The following UNC5C variants were observed in gnomAD, a reference collection of about 807,000 sequenced individuals.
UNC5C encodes the protein netrin receptor UNC5C.
A neutral mutation model predicts 99.8 loss-of-function variants in UNC5C; 47 were observed. The ratio of observed to expected loss-of-function variants is 0.47; its 90% CI spans 0.37 to 0.60. UNC5C has a LOEUF of 0.60. Among genes scored for constraint, UNC5C ranks in the 20% least tolerant of loss-of-function variants. UNC5C has a pLI of 0.00. For synonymous variants in UNC5C, 487 were observed against 452.2 expected, an observed-to-expected ratio of 1.08 and a Z score of -0.98; for missense variants, 1,062 against 1,165.9, an observed-to-expected ratio of 0.91 and a Z score of 1.30.
chr4:95,227,959 A>G (rs1269535599), intron 7 of UNC5C, among the ~76,000 whole-genome samples: 1 of 152,190 alleles, frequency 6.6e-6, no homozygotes, highest in Non-Finnish European at 1.5e-5. Flanking sequence ...ACTAGAGGTG[A>G]GGTTGCCCGA....
intron 1 of UNC5C, among the ~76,000 whole-genome samples, chr4:95,461,041 T>C (rs1747584680): frequency 6.6e-6 from 1 of 152,264 alleles, no homozygotes; most frequent in Non-Finnish European, 1.5e-5. Context: ...TATTAAATTC[T>C]ACAAACATTT....
At chr4:95,445,265 T>G (rs949655895) in intron 1 of UNC5C, among the ~76,000 whole-genome samples, 1 of 152,160 alleles carries the variant, frequency 6.6e-6, no homozygotes, top group Non-Finnish European at 1.5e-5. Context: ...CATTCTTAGT[T>G]TTTTTCTCCT....
intron 1 of UNC5C, among the ~76,000 whole-genome samples, chr4:95,422,474 T>C (rs1037971859): frequency 6.6e-6 from 1 of 152,188 alleles, no homozygotes; most frequent in Non-Finnish European, 1.5e-5. Flanking sequence ...TTTTTTTCTC[T>C]TTGAGACATG....
intron 1 of UNC5C, among the ~76,000 whole-genome samples, chr4:95,516,648 TCTC>T (rs1406942599): frequency 6.6e-6 from 1 of 152,026 alleles, no homozygotes; most frequent in Admixed American, 6.6e-5. Flanking sequence ...ATTTGCAAAA[TCTC>T]CTGCTGCTCC....
chr4:95,467,941 T>C, intron 1 of UNC5C, among the ~76,000 whole-genome samples: 1 of 152,138 alleles, frequency 6.6e-6, no homozygotes, highest in African/African-American at 2.4e-5. Flanking sequence ...CATTAATAGG[T>C]AGTGGATCAT....
chr4:95,258,746 CTTTTTTTT>C lies in UNC5C; in HGVS notation c.595-8087_595-8080del, dbSNP rs775570031. ...ACTATGTGTAATCGACCATCTTATT[CTTTTTTTT>C]TTTTTTTTTTTTTTTTTTGAGACGG... On this transcript the variant is annotated intron_variant, in intron 4 of 15. Transcript: ENST00000453304. 1.4e-4 allele frequency among the ~76,000 whole-genome samples: 11 copies of C among 76,044 alleles called. 1 individual carries two copies. The highest frequency in any genetic ancestry group is 1.1e-3 in the South Asian group (2 of 1,796). 49.9% of individuals were successfully genotyped at this position (76,044 alleles called of 152,430 possible). A position where few individuals can be genotyped will look rare whatever the true frequency, so the allele number is the denominator to read the frequency against.
chr4:95,185,240 A>T (rs1332012760), intron 12 of UNC5C, 44 bp from the exon 13 acceptor site: 1 of 1,560,966 alleles, frequency 6.4e-7, no homozygotes, highest in South Asian at 1.2e-5. Flanking sequence ...ATTGATTTGG[A>T]TCACTTCTGT....
At chr4:95,487,582 G>C (rs2149480227) in intron 1 of UNC5C, among the ~76,000 whole-genome samples, 1 of 151,678 alleles carries the variant, frequency 6.6e-6, no homozygotes, top group African/African-American at 2.4e-5. Context: ...GCTGTGTATT[G>C]ACTTACACTA....
Position 95,245,048 on chromosome 4 carries a change from G to A in UNC5C, c.872C>T (p.Ala291Val), listed in dbSNP as rs756813685. 4 of 1,613,982 alleles carry A rather than the reference G, an allele frequency of 2.5e-6. No homozygotes were observed. The highest frequency in any genetic ancestry group is 4.5e-5 in the East Asian group (2 of 44,886). Reference sequence around the variant, plus strand: ...ACAGAAGGCACCCCCATTGAGTGGTGCCGGGTTGGTACAAGTCCTTGTACG... The same window carrying A: ...ACAGAAGGCACCCCCATTGAGTGGTACCGGGTTGGTACAAGTCCTTGTACG... ...QKRTRTCTNP[A>V]PLNGGAFCEG... is the part of the protein sequence containing the mutation. Residue 291 changes from alanine to valine, a missense_variant, in exon 6 of 16, where the codon GCA becomes GTA. Physicochemically the swap from Ala to Val is moderately conservative, Grantham distance 64. Transcript: ENST00000453304.
chr4:95,480,496 T>C (rs265070), intron 1 of UNC5C, among the ~76,000 whole-genome samples: 69,266 of 151,602 alleles, frequency 0.46, 16,141 homozygotes, highest in Admixed American at 0.51. Flanking sequence ...AAGACCACCC[T>C]ATGTCATTTT....
intron 10 of UNC5C, 110 bp downstream of exon 10, chr4:95,216,014 A>C: frequency 1.3e-6 from 1 of 796,360 alleles, no homozygotes. Context: ...AATGTATGCC[A>C]GAAGCAAGGC....
At chr4:95,431,342 G>A (rs933151827) in intron 1 of UNC5C, among the ~76,000 whole-genome samples, 1 of 151,996 alleles carries the variant, frequency 6.6e-6, no homozygotes, top group African/African-American at 2.4e-5. Flanking sequence ...AGATTTCTAG[G>A]TTCCATCTTG....
At chr4:95,422,896 A>G (rs1489710942) in intron 1 of UNC5C, among the ~76,000 whole-genome samples, 1 of 152,220 alleles carries the variant, frequency 6.6e-6, no homozygotes, top group Non-Finnish European at 1.5e-5. Context: ...AAACATGAAT[A>G]CTATGAGGAA....
chr4:95,165,980 A>C lies in UNC5C; in HGVS notation c.*3254T>G, dbSNP rs1735842962. On this transcript the variant is annotated 3_prime_UTR_variant, in exon 16 of 16. Coordinates refer to ENST00000453304, the MANE Select transcript of UNC5C (RefSeq NM_003728.4). The stretch of plus-strand genomic sequence containing the variant: ...TGCAAATGAAAAAAAAGTGAGAATA[A>C]GAAAATTATAAATTTGAAGTGAAAA... 6.6e-6 allele frequency: 1 copy of C among 152,232 alleles called. No individual in the cohort carries two copies. Among genetic ancestry groups the C allele is most frequent in the African/African-American group, 2.4e-5 (1 of 41,466 alleles). 9.4% of individuals were successfully genotyped at this position (152,232 alleles called of 1,614,324 possible).
intron 3 of UNC5C, among the ~76,000 whole-genome samples, chr4:95,286,336 A>G (rs765954089): frequency 6.6e-6 from 1 of 152,206 alleles, no homozygotes; most frequent in Non-Finnish European, 1.5e-5. Flanking sequence ...CTGGGAATCT[A>G]CAGTTTTAAC....
chr4:95,516,519 C>T (rs1560491364), intron 1 of UNC5C, among the ~76,000 whole-genome samples: 2 of 152,156 alleles, frequency 1.3e-5, no homozygotes, highest in East Asian at 1.9e-4. Flanking sequence ...TCCCTGTTTT[C>T]GGAGACATTT....
chr4:95,431,545 A>C (rs1746635851), intron 1 of UNC5C, among the ~76,000 whole-genome samples: 1 of 152,076 alleles, frequency 6.6e-6, no homozygotes, highest in Non-Finnish European at 1.5e-5. Flanking sequence ...TAAAGACTAA[A>C]AAAAAATGTT....
At position 95,289,320 on chromosome 4, in the gene UNC5C, C is replaced by A. The variant is rs76818209; in HGVS notation, c.491-10958G>T. Among the ~76,000 whole-genome samples, 461 of 152,268 alleles carry A rather than the reference C, an allele frequency of 3.0e-3. 1 individual carries two copies. Among genetic ancestry groups the A allele is most frequent in the African/African-American group, 0.01 (436 of 41,558 alleles). Reference sequence around the variant, plus strand: ...AACTCCAAATATCAGAAATAAGCTTCTTGCTTCCCAAATTGAACTGGTCTT... The same window carrying A: ...AACTCCAAATATCAGAAATAAGCTTATTGCTTCCCAAATTGAACTGGTCTT... On this transcript the variant is annotated intron_variant, in intron 3 of 15. Coordinates refer to ENST00000453304, the MANE Select transcript of UNC5C (RefSeq NM_003728.4).
chr4:95,491,256 C>T (rs1721483084), intron 1 of UNC5C, among the ~76,000 whole-genome samples: 1 of 151,422 alleles, frequency 6.6e-6, no homozygotes, highest in South Asian at 2.1e-4. Context: ...AATGGAAAAT[C>T]GCCTCAATAT....
Sources: gnomAD v4.1 joint callset for allele counts (sites outside exome capture counted in the v4.1 genomes callset) on GRCh38, gnomAD v4.1.1 for gene constraint, MANE v1.5 for transcripts, NCBI Gene and HGNC (gene_info 2026-07-23, HGNC 2026-07-21) for gene names.